The following DAB1 variants were observed in gnomAD, a reference collection of about 807,000 sequenced individuals.
The protein encoded by DAB1 is disabled homolog 1.
Under a neutral mutation model 64.6 loss-of-function variants are expected in DAB1, and 15 were observed. That is an observed-to-expected ratio of 0.23 (90% CI 0.16 to 0.36). The LOEUF (loss-of-function observed/expected upper bound fraction) is 0.36, where lower values mean the gene tolerates loss of function less well. DAB1 is among the 10% of genes least tolerant of loss of function. The pLI is 1.00. For missense variants in DAB1, 596 were observed against 706.7 expected, an observed-to-expected ratio of 0.84 and a Z score of 1.78; for synonymous variants, 235 against 251.9, an observed-to-expected ratio of 0.93 and a Z score of 0.64.
intron 2 of DAB1, among the ~76,000 whole-genome samples, chr1:57,215,340 A>G (rs1176012580): frequency 6.6e-6 from 1 of 152,238 alleles, no homozygotes; most frequent in East Asian, 1.9e-4. Context: ...AGGACTTGCT[A>G]AAACAAACCA....
intron 3 of DAB1, among the ~76,000 whole-genome samples, chr1:58,420,103 C>T (rs1045646301): frequency 1.3e-5 from 2 of 152,210 alleles, no homozygotes; most frequent in Non-Finnish European, 2.9e-5. Flanking sequence ...AGAGTTATTT[C>T]ATTAGTCAAA....
intron 7 of DAB1, among the ~76,000 whole-genome samples, chr1:57,460,880 C>A (rs1686758746): frequency 4.6e-5 from 7 of 152,100 alleles, no homozygotes; most frequent in Admixed American, 4.6e-4. Flanking sequence ...ACAAATGTAC[C>A]TTATCTGATT....
intron 5 of DAB1, among the ~76,000 whole-genome samples, chr1:57,952,784 G>A (rs887668612): frequency 6.6e-6 from 1 of 152,096 alleles, no homozygotes; most frequent in African/African-American, 2.4e-5. Context: ...ATAGGAGGAG[G>A]GCTCTAAGAA....
At chr1:57,928,648 T>A (rs566786146) in intron 5 of DAB1, among the ~76,000 whole-genome samples, 1 of 152,202 alleles carries the variant, frequency 6.6e-6, no homozygotes, top group South Asian at 2.1e-4. Context: ...CTCTATCTTT[T>A]TACTGTCTCC....
At chr1:57,683,556 G>A (rs1246745021) in intron 6 of DAB1, among the ~76,000 whole-genome samples, 1 of 152,124 alleles carries the variant, frequency 6.6e-6, no homozygotes, top group East Asian at 1.9e-4. Flanking sequence ...CCAAGCATAA[G>A]AATTCATCCA....
intron 3 of DAB1, among the ~76,000 whole-genome samples, chr1:58,495,170 CA>C (rs1451394131): frequency 6.6e-6 from 1 of 152,024 alleles, no homozygotes; most frequent in Non-Finnish European, 1.5e-5. Flanking sequence ...ATTGCAAGGA[CA>C]AAAAACTAAA....
At chr1:58,174,907 TC>T (rs1656381642) in intron 4 of DAB1, among the ~76,000 whole-genome samples, 1 of 151,980 alleles carries the variant, frequency 6.6e-6, no homozygotes, top group Admixed American at 6.6e-5. Flanking sequence ...CAATCAGCAC[TC>T]TGTACAAATG....
intron 4 of DAB1, among the ~76,000 whole-genome samples, chr1:58,174,450 G>A (rs996787850): frequency 2.0e-5 from 3 of 152,228 alleles, no homozygotes; most frequent in East Asian, 1.9e-4. Context: ...CCCCTGGACC[G>A]ACCTGCTGGC....
chr1:58,138,628 T>C (rs1654086886), intron 5 of DAB1, among the ~76,000 whole-genome samples: 1 of 152,148 alleles, frequency 6.6e-6, no homozygotes, highest in African/African-American at 2.4e-5. Context: ...TTCAGTCTTA[T>C]GAGCAATGAG....
intron 3 of DAB1, among the ~76,000 whole-genome samples, chr1:58,422,304 G>A (rs1424618195): frequency 6.6e-6 from 1 of 151,876 alleles, no homozygotes; most frequent in Non-Finnish European, 1.5e-5. Flanking sequence ...ATGTTATCTA[G>A]TATTAGTATT....
At chr1:57,106,839 AG>A (rs1655206428) in intron 4 of DAB1, among the ~76,000 whole-genome samples, 1 of 152,288 alleles carries the variant, frequency 6.6e-6, no homozygotes, top group East Asian at 1.9e-4. Context: ...AGATTGATAG[AG>A]GGAGAGATCC....
At chr1:57,854,961 G>A (rs536003185) in intron 1 of DAB1, among the ~76,000 whole-genome samples, 1 of 152,184 alleles carries the variant, frequency 6.6e-6, no homozygotes, top group Non-Finnish European at 1.5e-5. Context: ...AAATGAAATG[G>A]TCACTAGGTT....
intron 7 of DAB1, among the ~76,000 whole-genome samples, chr1:57,602,044 G>A (rs184843777): frequency 2.8e-4 from 42 of 152,290 alleles, no homozygotes; most frequent in South Asian, 4.1e-4. Context: ...TTATAGCTGT[G>A]TAATTTGGGG....
At chr1:57,205,282 T>C (rs1450393104) in intron 2 of DAB1, among the ~76,000 whole-genome samples, 2 of 152,204 alleles carry the variant, frequency 1.3e-5, no homozygotes, top group African/African-American at 4.8e-5. Context: ...CCAGCAGTAA[T>C]TGGCTGATTC....
At chr1:58,216,559 T>C (rs1223631416) in intron 4 of DAB1, among the ~76,000 whole-genome samples, 1 of 152,208 alleles carries the variant, frequency 6.6e-6, no homozygotes, top group Non-Finnish European at 1.5e-5. Flanking sequence ...TTGGGATTGT[T>C]GGGTCAAATG....
chr1:57,400,446 C>T (rs1683153142), intron 1 of DAB1, among the ~76,000 whole-genome samples: 1 of 151,976 alleles, frequency 6.6e-6, no homozygotes. Context: ...CCATAAACTC[C>T]CAATAAGTGC....
chr1:57,281,030 A>C (rs1671842715), intron 2 of DAB1, among the ~76,000 whole-genome samples: 1 of 152,174 alleles, frequency 6.6e-6, no homozygotes. Context: ...GACTCCTTAG[A>C]ATCCAGGGGA....
intron 6 of DAB1, among the ~76,000 whole-genome samples, chr1:57,675,597 A>G (rs1257384485): frequency 6.6e-6 from 1 of 152,222 alleles, no homozygotes; most frequent in African/African-American, 2.4e-5. Flanking sequence ...AGCGAAATGA[A>G]GCATTGATAA....
chr1:57,857,336 C>G (rs767626305), intron 1 of DAB1, among the ~76,000 whole-genome samples: 1 of 152,120 alleles, frequency 6.6e-6, no homozygotes, highest in South Asian at 2.1e-4. Flanking sequence ...CTCTGAATGA[C>G]TAAATGACAC....
Sources: allele counts gnomAD v4.1 joint callset (sites outside exome capture counted in the v4.1 genomes callset), GRCh38; gene constraint gnomAD v4.1.1; transcripts MANE v1.5; gene names NCBI Gene and HGNC (gene_info 2026-07-23, HGNC 2026-07-21).